DPYD: variants seen among roughly 807,000 people sequenced by gnomAD.
DPYD encodes dihydropyrimidine dehydrogenase [NADP(+)].
DPYD carries 109 observed loss-of-function variants against 116.2 expected under a neutral mutation model. That is an observed-to-expected ratio of 0.94 (90% CI 0.80 to 1.10). The LOEUF (loss-of-function observed/expected upper bound fraction) is 1.10, where lower values mean the gene tolerates loss of function less well. DPYD is among the 50% of genes least tolerant of loss of function. DPYD has a pLI of 0.00. For synonymous variants in DPYD, 440 were observed against 432.0 expected (o/e 1.02, Z -0.23); for missense variants, 1,302 against 1,254.5 (o/e 1.04, Z -0.57).
At chr1:97,630,685 T>G (rs929193167) in intron 8 of DPYD, among the ~76,000 whole-genome samples, 1 of 152,140 alleles carries the variant, frequency 6.6e-6, no homozygotes, top group Non-Finnish European at 1.5e-5. Flanking sequence ...ACCAGAAACT[T>G]TTCCCAGTAA....
intron 16 of DPYD, 23 bp from the exon 17 acceptor site, chr1:97,306,320 T>A (rs371116410): frequency 1.2e-4 from 189 of 1,611,508 alleles, no homozygotes; most frequent in Non-Finnish European, 1.5e-4. Flanking sequence ...GTCGGTTAAA[T>A]ATAGAACAAA....
chr1:97,724,953 A>G (rs199715222), intron 4 of DPYD, among the ~76,000 whole-genome samples: 4 of 118,916 alleles, frequency 3.4e-5, no homozygotes, highest in Middle Eastern at 4.6e-3. Context: ...GAGGGAAGGA[A>G]AGAGAGAGAG....
chr1:97,837,177 T>C (rs1006739612), intron 2 of DPYD, among the ~76,000 whole-genome samples: 2 of 152,152 alleles, frequency 1.3e-5, no homozygotes, highest in African/African-American at 2.4e-5. Context: ...TTCATAACAA[T>C]TGTCTATTAG....
chr1:97,606,289 G>T (rs1655590753), intron 8 of DPYD, among the ~76,000 whole-genome samples: 1 of 151,924 alleles, frequency 6.6e-6, no homozygotes, highest in African/African-American at 2.4e-5. Flanking sequence ...CACCATATTA[G>T]GTGCTGGGAA....
intron 18 of DPYD, chr1:97,295,790 A>T (rs1299927875): frequency 1.0e-6 from 1 of 978,550 alleles, no homozygotes; most frequent in Non-Finnish European, 1.2e-6. Flanking sequence ...TTTATATTAA[A>T]AGGAAAACCA....
chr1:97,699,608 T>C, intron 5 of DPYD, 61 bp from the exon 6 acceptor site: 5 of 1,495,926 alleles, frequency 3.3e-6, no homozygotes, highest in Non-Finnish European at 3.7e-6. Flanking sequence ...CTCAAACATA[T>C]TTTTAATGTT....
intron 1 of DPYD, among the ~76,000 whole-genome samples, chr1:97,895,796 T>C (rs1367982088): frequency 6.6e-6 from 1 of 151,772 alleles, no homozygotes; most frequent in Non-Finnish European, 1.5e-5. Flanking sequence ...TAATATTTTG[T>C]ATTCTTAATT....
chr1:97,258,603 T>C (rs1183319957), intron 18 of DPYD, among the ~76,000 whole-genome samples: 3 of 152,154 alleles, frequency 2.0e-5, no homozygotes, highest in Non-Finnish European at 4.4e-5. Context: ...GTCCTTGTCT[T>C]CAGGCTTTGC....
chr1:97,474,466 A>G (rs941756643), intron 13 of DPYD, among the ~76,000 whole-genome samples: 10 of 152,144 alleles, frequency 6.6e-5, no homozygotes, highest in African/African-American at 2.4e-4. Flanking sequence ...TTAAATATTT[A>G]AAATCCTTTG....
chr1:97,497,099 A>C (rs1008497316), intron 13 of DPYD, among the ~76,000 whole-genome samples: 2 of 151,890 alleles, frequency 1.3e-5, no homozygotes, highest in African/African-American at 2.4e-5. Flanking sequence ...TAGAATGATA[A>C]AATTACCAAG....
At chr1:97,452,356 A>G (rs1233421901) in intron 13 of DPYD, among the ~76,000 whole-genome samples, 2 of 152,200 alleles carry the variant, frequency 1.3e-5, no homozygotes, top group African/African-American at 2.4e-5. Context: ...TTACTATTAC[A>G]TGCCCAGCTT....
chr1:97,715,492 C>A (rs1357353433), intron 5 of DPYD, among the ~76,000 whole-genome samples: 2 of 152,126 alleles, frequency 1.3e-5, no homozygotes, highest in African/African-American at 2.4e-5. Context: ...ACACACAGTG[C>A]TGATCAATGC....
At chr1:97,859,549 C>A (rs935051393) in intron 2 of DPYD, among the ~76,000 whole-genome samples, 1 of 152,072 alleles carries the variant, frequency 6.6e-6, no homozygotes, top group Non-Finnish European at 1.5e-5. Context: ...TTCTCCTGTA[C>A]AGCCCACCAC....
intron 1 of DPYD, among the ~76,000 whole-genome samples, chr1:97,906,539 T>G (rs1229531375): frequency 6.6e-6 from 1 of 152,070 alleles, no homozygotes; most frequent in Non-Finnish European, 1.5e-5. Context: ...CTTATAAAAT[T>G]GAACTATGGA....
At chr1:97,663,387 C>G (rs754054068) in intron 8 of DPYD, among the ~76,000 whole-genome samples, 1 of 152,182 alleles carries the variant, frequency 6.6e-6, no homozygotes, top group Non-Finnish European at 1.5e-5. Flanking sequence ...TAGATCTTTA[C>G]CCTGCCTTCT....
chr1:97,821,429 A>T lies in DPYD; in HGVS notation c.233+6685T>A, dbSNP rs527510826. On this transcript the variant is annotated intron_variant, in intron 3 of 22. Transcript: ENST00000370192. ...TCACAGGGGCTAAAATAGGTACAGA[A>T]TATGATAGTAAAGAAATCAAATCCC... 3.0e-4 allele frequency among the ~76,000 whole-genome samples: 45 copies of T among 152,260 alleles called. 1 individual carries two copies. The South Asian group carries it at 9.1e-3, about 31-fold the overall frequency.
chr1:97,781,470 A>C (rs1666742413), intron 3 of DPYD, among the ~76,000 whole-genome samples: 1 of 152,196 alleles, frequency 6.6e-6, no homozygotes, highest in South Asian at 2.1e-4. Flanking sequence ...TGTTCCATGC[A>C]TGTTTAGTTA....
At chr1:97,417,262 G>A (rs1199676011) in intron 14 of DPYD, among the ~76,000 whole-genome samples, 1 of 152,152 alleles carries the variant, frequency 6.6e-6, no homozygotes, top group Non-Finnish European at 1.5e-5. Flanking sequence ...GAATTGTTGA[G>A]TTGGTTTTTA....
At chr1:97,211,532 G>A (rs951204077) in intron 19 of DPYD, among the ~76,000 whole-genome samples, 1 of 152,098 alleles carries the variant, frequency 6.6e-6, no homozygotes, top group Non-Finnish European at 1.5e-5. Context: ...TTATGACTGA[G>A]TTTCTCAGCA....
Sources: gnomAD v4.1 joint callset for allele counts (sites outside exome capture counted in the v4.1 genomes callset) on GRCh38, gnomAD v4.1.1 for gene constraint, MANE v1.5 for transcripts, NCBI Gene and HGNC (gene_info 2026-07-23, HGNC 2026-07-21) for gene names.